The following AGBL4 variants were observed in gnomAD, a reference collection of about 807,000 sequenced individuals.
AGBL4 encodes cytosolic carboxypeptidase 6.
In AGBL4, 58 loss-of-function variants were observed where a neutral mutation model predicts 66.4. The observed-to-expected ratio is 0.87, with a 90% CI of 0.71 to 1.09. The LOEUF (loss-of-function observed/expected upper bound fraction) is 1.09. Ranked by LOEUF, AGBL4 falls within the 50% of genes least tolerant of loss-of-function variation. The pLI, the probability that AGBL4 is intolerant of heterozygous loss-of-function variation, is 0.00. For missense variants in AGBL4, 579 were observed against 631.0 expected (o/e 0.92, Z 0.88); for synonymous variants, 234 against 222.9 (o/e 1.05, Z -0.44).
intron 3 of AGBL4, among the ~76,000 whole-genome samples, chr1:49,563,935 G>T (rs1644123439): frequency 6.6e-6 from 1 of 152,152 alleles, no homozygotes; most frequent in African/African-American, 2.4e-5. Flanking sequence ...AATCCATCTG[G>T]TCCTGGACTT....
At chr1:49,830,438 C>T (rs866456767) in intron 2 of AGBL4, among the ~76,000 whole-genome samples, 23 of 152,248 alleles carry the variant, frequency 1.5e-4, no homozygotes, top group Middle Eastern at 3.4e-3. Flanking sequence ...CTCTTCATAT[C>T]CTTCACTCAC....
At chr1:49,336,917 T>A (rs1409202800) in intron 3 of AGBL4, among the ~76,000 whole-genome samples, 1 of 152,182 alleles carries the variant, frequency 6.6e-6, no homozygotes, top group Non-Finnish European at 1.5e-5. Flanking sequence ...TAAGATGGTT[T>A]AGAGATTCAA....
intron 6 of AGBL4, among the ~76,000 whole-genome samples, chr1:48,731,081 AT>A (rs1204910464): frequency 2.0e-5 from 3 of 152,132 alleles, no homozygotes; most frequent in Non-Finnish European, 4.4e-5. Flanking sequence ...AGGCTTTTCT[AT>A]TTTTTTATAT....
chr1:49,948,171 T>C (rs1257839678), intron 1 of AGBL4, among the ~76,000 whole-genome samples: 1 of 98,582 alleles, frequency 1.0e-5, no homozygotes, highest in Non-Finnish European at 1.8e-5. Context: ...AATATATAAA[T>C]ATATATAACT....
intron 6 of AGBL4, among the ~76,000 whole-genome samples, chr1:48,784,766 A>C (rs1174242584): frequency 1.3e-5 from 2 of 152,242 alleles, no homozygotes; most frequent in Admixed American, 6.5e-5. Flanking sequence ...TCACAAATGG[A>C]AATCATTGGT....
intron 3 of AGBL4, among the ~76,000 whole-genome samples, chr1:49,288,601 T>C (rs970705758): frequency 6.6e-6 from 1 of 152,144 alleles, no homozygotes; most frequent in South Asian, 2.1e-4. Flanking sequence ...GAAATGCTAA[T>C]AAAACAAGTA....
chr1:49,302,607 T>TA (rs374486566), intron 3 of AGBL4, among the ~76,000 whole-genome samples: 25,906 of 114,586 alleles, frequency 0.23, 4,435 homozygotes, highest in Non-Finnish European at 0.32. Context: ...TTTATTTTAT[T>TA]TTTTTATTTT....
intron 3 of AGBL4, among the ~76,000 whole-genome samples, chr1:49,513,627 C>G (rs773922344): frequency 4.6e-5 from 7 of 152,080 alleles, no homozygotes; most frequent in Non-Finnish European, 8.8e-5. Context: ...ACAACTTTTC[C>G]TATGTTTATA....
intron 3 of AGBL4, among the ~76,000 whole-genome samples, chr1:49,358,215 A>G (rs1240333692): frequency 1.3e-5 from 2 of 152,122 alleles, no homozygotes; most frequent in Admixed American, 1.3e-4. Flanking sequence ...AAATCTAATC[A>G]AATAATAAAA....
At chr1:49,646,516 A>C (rs1645891160) in intron 3 of AGBL4, among the ~76,000 whole-genome samples, 1 of 151,876 alleles carries the variant, frequency 6.6e-6, no homozygotes, top group Non-Finnish European at 1.5e-5. Context: ...ACTGCAAAAC[A>C]CCTCTTGGAA....
At chr1:48,693,342 G>T (rs61500556) in intron 6 of AGBL4, among the ~76,000 whole-genome samples, 10,066 of 152,208 alleles carry the variant, frequency 0.066, 1,051 homozygotes, top group African/African-American at 0.23. Flanking sequence ...GGCTAAACCA[G>T]AGGTTACATT....
chr1:49,846,057 A>G, intron 2 of AGBL4: 1 of 1,590,428 alleles, frequency 6.3e-7, no homozygotes, highest in Non-Finnish European at 8.6e-7. Context: ...ATTCAGCATC[A>G]GAGGATCCAC....
rs1215977873 is a variant in AGBL4 at position 49,648,638 on chromosome 1, G to A, written c.282+48675C>T. On this transcript the variant is annotated intron_variant, in intron 3 of 13. Transcript: ENST00000371839. ...TACAGAGGAAATAACACCTTATCTA[G>A]GGGTAAGTAAAAATAAGAATTACAA... Among the ~76,000 whole-genome samples the A allele has an allele frequency of 2.0e-5, 3 of 151,938 alleles. No homozygotes were observed. The East Asian group carries it at 5.8e-4, about 29-fold the overall frequency.
rs370477632 is a variant in AGBL4 at position 49,757,932 on chromosome 1, C to T, written c.158-60495G>A. On this transcript the variant is annotated intron_variant, in intron 2 of 13. Coordinates refer to ENST00000371839, the MANE Select transcript of AGBL4 (RefSeq NM_032785.4). Reference sequence around the variant, plus strand: ...TTAATTGATAAGACTATGGGGAAAACGTCTCCAGGGCATGTCAGAGACCTT... The same window carrying T: ...TTAATTGATAAGACTATGGGGAAAATGTCTCCAGGGCATGTCAGAGACCTT... Among the ~76,000 whole-genome samples the T allele has an allele frequency of 3.6e-4, 55 of 152,258 alleles. 1 individual carries two copies. In the South Asian group the frequency reaches 9.5e-3, roughly 26 times the overall value.
chr1:48,963,975 T>G (rs1658213867), intron 5 of AGBL4, among the ~76,000 whole-genome samples: 1 of 152,192 alleles, frequency 6.6e-6, no homozygotes, highest in Non-Finnish European at 1.5e-5. Context: ...AAAATATATT[T>G]AAATGCTGAG....
At chr1:49,888,478 C>A (rs1648294475) in intron 1 of AGBL4, among the ~76,000 whole-genome samples, 2 of 152,018 alleles carry the variant, frequency 1.3e-5, no homozygotes, top group South Asian at 4.1e-4. Flanking sequence ...GCTGAAAAAA[C>A]CTTAGTGACA....
At chr1:48,795,675 T>C (rs1001944761) in intron 6 of AGBL4, among the ~76,000 whole-genome samples, 3 of 152,188 alleles carry the variant, frequency 2.0e-5, no homozygotes, top group African/African-American at 7.2e-5. Flanking sequence ...TTTTTTGAGA[T>C]GGAGTCTTGC....
intron 3 of AGBL4, among the ~76,000 whole-genome samples, chr1:49,551,093 T>G (rs1228471274): frequency 1.3e-5 from 2 of 152,202 alleles, no homozygotes; most frequent in African/African-American, 4.8e-5. Context: ...ATTCTATTGC[T>G]GAGACTTTCC....
intron 1 of AGBL4, among the ~76,000 whole-genome samples, chr1:49,940,068 A>T (rs1441573512): frequency 3.3e-5 from 5 of 152,236 alleles, no homozygotes; most frequent in Non-Finnish European, 5.9e-5. Flanking sequence ...TCTCAAAAGA[A>T]GACATTTATG....
Sources: gnomAD v4.1 joint callset for allele counts (sites outside exome capture counted in the v4.1 genomes callset) on GRCh38, gnomAD v4.1.1 for gene constraint, MANE v1.5 for transcripts, NCBI Gene and HGNC (gene_info 2026-07-23, HGNC 2026-07-21) for gene names.